The following ABLIM3 variants were observed in gnomAD, a reference collection of about 807,000 sequenced individuals.
ABLIM3 encodes actin-binding LIM protein 3.
Under a neutral mutation model 109.5 loss-of-function variants are expected in ABLIM3, and 61 were observed. That is an observed-to-expected ratio of 0.56 (90% CI 0.45 to 0.69). The LOEUF (loss-of-function observed/expected upper bound fraction) is 0.69, where lower values mean the gene tolerates loss of function less well. Ranked by LOEUF, ABLIM3 falls within the 30% of genes least tolerant of loss-of-function variation. ABLIM3 has a pLI of 0.00. For synonymous variants in ABLIM3, 300 were observed against 324.8 expected (o/e 0.92, Z 0.82); for missense variants, 796 against 889.5 (o/e 0.89, Z 1.34).
intron 2 of ABLIM3, among the ~76,000 whole-genome samples, chr5:149,173,744 G>C (rs913824444): frequency 1.3e-5 from 2 of 152,180 alleles, no homozygotes; most frequent in African/African-American, 4.8e-5. Flanking sequence ...AGGAACCGCC[G>C]GGCGCGGTGG....
Position 149,254,456 on chromosome 5 carries a change from G to T in ABLIM3, c.1938+1619G>T, listed in dbSNP as rs549314455. On this transcript the variant is annotated intron_variant, in intron 23 of 23. Coordinates refer to ENST00000309868, the MANE Select transcript of ABLIM3 (RefSeq NM_014945.5). Reference sequence around the variant, plus strand: ...CCACAGGGTCTGGGCTGGGAGAGGTGTCAGAAAACGTTTGTGGGATTGAGT... The same window carrying T: ...CCACAGGGTCTGGGCTGGGAGAGGTTTCAGAAAACGTTTGTGGGATTGAGT... Among the ~76,000 whole-genome samples, 5 of 152,308 alleles carry T rather than the reference G, an allele frequency of 3.3e-5. No homozygotes were observed. The South Asian group carries it at 1.0e-3, about 32-fold the overall frequency.
chr5:149,200,568 C>T (rs1758399015), intron 5 of ABLIM3, 140 bp downstream of exon 5: 1 of 761,310 alleles, frequency 1.3e-6, no homozygotes, highest in Non-Finnish European at 2.2e-6. Context: ...GCATCATGAC[C>T]CCATTGGCAT....
intron 18 of ABLIM3, among the ~76,000 whole-genome samples, chr5:149,248,665 G>A (rs954447038): frequency 6.9e-6 from 1 of 144,670 alleles, no homozygotes; most frequent in African/African-American, 2.7e-5. Flanking sequence ...ACTCCAGCCT[G>A]GGCAACAGAG....
chr5:149,216,752 C>T, intron 7 of ABLIM3: 2 of 560,410 alleles, frequency 3.6e-6, no homozygotes, highest in Admixed American at 3.0e-5. Context: ...GTCCCCTGAA[C>T]TGCCATCAGG....
intron 2 of ABLIM3, among the ~76,000 whole-genome samples, chr5:149,156,626 T>C (rs540661018): frequency 1.3e-5 from 2 of 152,376 alleles, no homozygotes; most frequent in South Asian, 2.1e-4. Flanking sequence ...ACTTATTACA[T>C]GTAAGACCCT....
At chr5:149,178,966 G>T (rs545131844) in intron 2 of ABLIM3, among the ~76,000 whole-genome samples, 1 of 152,162 alleles carries the variant, frequency 6.6e-6, no homozygotes, top group Non-Finnish European at 1.5e-5. Flanking sequence ...TGGAACCCAG[G>T]TTACCCCAGC....
chr5:149,245,104 A>AGGGCCCT, intron 16 of ABLIM3, 89 bp downstream of exon 16: 1 of 1,519,112 alleles, frequency 6.6e-7, no homozygotes, highest in Non-Finnish European at 9.0e-7. Flanking sequence ...TCCTTTATAC[A>AGGGCCCT]ATCATTCTGA....
chr5:149,171,452 C>T (rs1755417195), intron 2 of ABLIM3, among the ~76,000 whole-genome samples: 1 of 152,118 alleles, frequency 6.6e-6, no homozygotes, highest in African/African-American at 2.4e-5. Flanking sequence ...GATGGAGAAA[C>T]TAAGGATCAG....
chr5:149,155,856 C>T (rs775831995), intron 2 of ABLIM3, among the ~76,000 whole-genome samples: 6 of 152,152 alleles, frequency 3.9e-5, no homozygotes, highest in South Asian at 2.1e-4. Flanking sequence ...TCAGATGCCA[C>T]GCTAAACAGT....
At chr5:149,238,402 G>A (rs1034941344) in intron 11 of ABLIM3, among the ~76,000 whole-genome samples, 3 of 152,130 alleles carry the variant, frequency 2.0e-5, no homozygotes, top group African/African-American at 7.2e-5. Flanking sequence ...TCCTCCCTAA[G>A]GGATTTGGGT....
chr5:149,246,419 A>G, intron 16 of ABLIM3, 63 bp from the exon 17 acceptor site: 4 of 1,336,642 alleles, frequency 3.0e-6, no homozygotes, highest in Non-Finnish European at 4.2e-6. Context: ...TAAAAAAAAA[A>G]TGCCTTAAGC....
intron 15 of ABLIM3, 186 bp from the exon 16 acceptor site, chr5:149,244,694 CA>C: frequency 1.5e-6 from 1 of 678,524 alleles, no homozygotes; most frequent in Non-Finnish European, 2.5e-6. Flanking sequence ...TTACTAAATG[CA>C]AAATGAGGGT....
chr5:149,213,975 G>A (rs577001259), intron 7 of ABLIM3, among the ~76,000 whole-genome samples: 1 of 85,038 alleles, frequency 1.2e-5, no homozygotes, highest in South Asian at 3.7e-4. Flanking sequence ...ACTCCAGGCT[G>A]CTGTATCTAC....
At chr5:149,162,222 C>A (rs1754438891) in intron 2 of ABLIM3, among the ~76,000 whole-genome samples, 2 of 152,120 alleles carry the variant, frequency 1.3e-5, no homozygotes, top group Admixed American at 1.3e-4. Flanking sequence ...TGGTTGCTGG[C>A]TGTGTTTCTT....
intron 2 of ABLIM3, among the ~76,000 whole-genome samples, chr5:149,149,949 G>A (rs955546622): frequency 7.2e-5 from 11 of 152,298 alleles, no homozygotes; most frequent in African/African-American, 1.9e-4. Context: ...CTGCCTGACA[G>A]GAACTGTGGC....
At chr5:149,230,314 G>T (rs1761719340) in intron 8 of ABLIM3, among the ~76,000 whole-genome samples, 2 of 152,196 alleles carry the variant, frequency 1.3e-5, no homozygotes, top group Non-Finnish European at 2.9e-5. Flanking sequence ...AAGCTACTGT[G>T]CCTTAAGGCT....
intron 10 of ABLIM3, among the ~76,000 whole-genome samples, chr5:149,235,797 G>GC (rs1427687226): frequency 2.6e-5 from 4 of 152,196 alleles, no homozygotes; most frequent in Non-Finnish European, 5.9e-5. Context: ...AAATCAGGTG[G>GC]CCTACCTCAA....
At chr5:149,213,497 C>T (rs759277999) in intron 7 of ABLIM3, among the ~76,000 whole-genome samples, 35 of 152,278 alleles carry the variant, frequency 2.3e-4, no homozygotes, top group Non-Finnish European at 4.0e-4. Flanking sequence ...TCAGAAGAGT[C>T]GTTTGTTGGC....
Position 149,247,776 on chromosome 5 carries a change from C to T in ABLIM3, c.1552-6C>T. The T allele has an allele frequency of 6.2e-7, 1 of 1,614,250 alleles. No individual in the cohort carries two copies. Among genetic ancestry groups the T allele is most frequent in the Non-Finnish European group, 8.5e-7 (1 of 1,180,052 alleles). Reference sequence around the variant, plus strand: ...TAACTTTATCTTGCTCTTCCCCGACCCTCAGCTCCAAAGTGGAATTGGCCG... The same window carrying T: ...TAACTTTATCTTGCTCTTCCCCGACTCTCAGCTCCAAAGTGGAATTGGCCG... On this transcript the variant is annotated splice_region_variant and splice_polypyrimidine_tract_variant and intron_variant, in intron 17 of 23. Transcript: ENST00000309868.
Sources: allele counts gnomAD v4.1 joint callset (sites outside exome capture counted in the v4.1 genomes callset), GRCh38; gene constraint gnomAD v4.1.1; transcripts MANE v1.5; gene names NCBI Gene and HGNC (gene_info 2026-07-23, HGNC 2026-07-21).